The following DOCK1 variants were observed in gnomAD, a reference collection of about 807,000 sequenced individuals.
DOCK1 encodes dedicator of cytokinesis protein 1.
DOCK1 carries 138 observed loss-of-function variants against 262.7 expected under a neutral mutation model. The observed-to-expected ratio is 0.53, with a 90% CI of 0.46 to 0.61. The LOEUF (loss-of-function observed/expected upper bound fraction) is 0.61. Ranked by LOEUF, DOCK1 falls within the 20% of genes least tolerant of loss-of-function variation. The pLI is 0.00. For synonymous variants in DOCK1, 866 were observed against 867.4 expected (o/e 1.00, Z 0.03); for missense variants, 1,908 against 2,370.7 (o/e 0.80, Z 4.05).
chr10:127,321,225 C>T (rs1464446408), intron 29 of DOCK1, among the ~76,000 whole-genome samples: 2 of 98,178 alleles, frequency 2.0e-5, no homozygotes, highest in East Asian at 3.4e-4. Flanking sequence ...CCTCTCCTCC[C>T]CTCCCCTCCC....
intron 1 of DOCK1, among the ~76,000 whole-genome samples, chr10:126,932,631 A>G (rs2034269067): frequency 6.6e-6 from 1 of 152,120 alleles, no homozygotes; most frequent in Non-Finnish European, 1.5e-5. Flanking sequence ...CCAGCAGTGC[A>G]GGTTCCAGAG....
chr10:126,940,097 A>G (rs2034876005), intron 1 of DOCK1, among the ~76,000 whole-genome samples: 1 of 152,156 alleles, frequency 6.6e-6, no homozygotes, highest in Non-Finnish European at 1.5e-5. Flanking sequence ...GTTTTTCACA[A>G]ATGATGTTTT....
chr10:126,997,946 G>A (rs1057012493), intron 7 of DOCK1, 146 bp from the exon 8 acceptor site: 66 of 990,230 alleles, frequency 6.7e-5, no homozygotes, highest in Non-Finnish European at 7.9e-5. Flanking sequence ...AGAATGTGCA[G>A]GGGAGATAAG....
At chr10:127,066,560 T>G (rs982964195) in intron 23 of DOCK1, among the ~76,000 whole-genome samples, 1 of 152,172 alleles carries the variant, frequency 6.6e-6, no homozygotes, top group African/African-American at 2.4e-5. Flanking sequence ...CACCTGGCTC[T>G]CCAAGCCTTT....
At chr10:126,932,483 A>G (rs1243960344) in intron 1 of DOCK1, among the ~76,000 whole-genome samples, 2 of 152,230 alleles carry the variant, frequency 1.3e-5, no homozygotes, top group Non-Finnish European at 2.9e-5. Flanking sequence ...GCACCATTCC[A>G]GGCTGAACTG....
In DOCK1 at chr10:127,221,975, A is replaced by C. The variant is rs181770104; in HGVS notation, c.2848-26033A>C. On this transcript the variant is annotated intron_variant, in intron 27 of 51. Transcript: ENST00000623213. ...AGCAGTAGAGACATTAGCCTCACTC[A>C]AAGGAGAGTAAAATTATGTTCAATG... 3.5e-4 allele frequency among the ~76,000 whole-genome samples: 54 copies of C among 152,346 alleles called. 1 individual carries two copies. Among genetic ancestry groups the C allele is most frequent in the Admixed American group, 1.1e-3 (17 of 15,302 alleles).
chr10:126,916,672 CCCTCCTTCCTTT>C (rs762746599), intron 1 of DOCK1, among the ~76,000 whole-genome samples: 16 of 151,884 alleles, frequency 1.1e-4, no homozygotes, highest in African/African-American at 2.7e-4. Context: ...TTTCTTCCTC[CCCTCCTTCCTTT>C]CCTCCTTCCT....
intron 29 of DOCK1, among the ~76,000 whole-genome samples, chr10:127,318,365 C>G (rs530759885): frequency 6.6e-6 from 1 of 152,280 alleles, no homozygotes; most frequent in African/African-American, 2.4e-5. Context: ...GATCCCAGCA[C>G]ACTGAAGGAG....
chr10:127,365,265 TC>T (rs1212881497), intron 33 of DOCK1, among the ~76,000 whole-genome samples: 1 of 152,256 alleles, frequency 6.6e-6, no homozygotes, highest in Non-Finnish European at 1.5e-5. Flanking sequence ...TTGAAAATTT[TC>T]CCAGTATACA....
intron 46 of DOCK1, among the ~76,000 whole-genome samples, chr10:127,425,463 A>G (rs2068756125): frequency 6.6e-6 from 1 of 152,234 alleles, no homozygotes; most frequent in Non-Finnish European, 1.5e-5. Context: ...TATAGATCAC[A>G]TGTAATTACC....
chr10:127,261,297 G>A (rs571696850), intron 29 of DOCK1, among the ~76,000 whole-genome samples: 2 of 88,166 alleles, frequency 2.3e-5, no homozygotes, highest in South Asian at 6.6e-4. Context: ...GTGCATGTGG[G>A]TGTGTGTGTG....
At chr10:126,999,262 G>C (rs528941703) in intron 8 of DOCK1, 92 bp from the exon 9 acceptor site, 2 of 942,298 alleles carry the variant, frequency 2.1e-6, no homozygotes, top group African/African-American at 1.6e-5. Flanking sequence ...TATAGTGCAC[G>C]TACATGGTAT....
At chr10:127,324,625 A>G (rs2766052) in intron 29 of DOCK1, among the ~76,000 whole-genome samples, 12 of 151,646 alleles carry the variant, frequency 7.9e-5, no homozygotes, top group Middle Eastern at 3.4e-3. Flanking sequence ...TTTTTTTTTT[A>G]AAAGATACTG....
intron 27 of DOCK1, among the ~76,000 whole-genome samples, chr10:127,189,051 A>G (rs2056529772): frequency 6.6e-6 from 1 of 152,196 alleles, no homozygotes; most frequent in African/African-American, 2.4e-5. Context: ...AGCCCTGGTG[A>G]TGAAGTGGAT....
At chr10:127,015,454 G>T (rs1157601595) in intron 12 of DOCK1, among the ~76,000 whole-genome samples, 1 of 152,080 alleles carries the variant, frequency 6.6e-6, no homozygotes, top group African/African-American at 2.4e-5. Context: ...CTGTCCCCTT[G>T]TGAGCTCTCA....
At chr10:127,143,648 C>T (rs2051495013) in intron 27 of DOCK1, among the ~76,000 whole-genome samples, 1 of 152,136 alleles carries the variant, frequency 6.6e-6, no homozygotes, top group Non-Finnish European at 1.5e-5. Flanking sequence ...GCCAACTTGG[C>T]CGGTTTTATG....
chr10:127,443,584 G>A (rs767866009), intron 49 of DOCK1, among the ~76,000 whole-genome samples: 23 of 152,078 alleles, frequency 1.5e-4, no homozygotes, highest in Non-Finnish European at 2.4e-4. Context: ...ATGTGCACAC[G>A]TGGGGCTCAG....
At chr10:127,131,282 G>A (rs2050309592) in intron 27 of DOCK1, among the ~76,000 whole-genome samples, 1 of 152,106 alleles carries the variant, frequency 6.6e-6, no homozygotes, top group Admixed American at 6.5e-5. Flanking sequence ...CCACAGCCCT[G>A]ATCTTCCCAA....
At chr10:127,110,192 A>T (rs2048780199) in intron 24 of DOCK1, 56 bp from the exon 25 acceptor site, 11 of 1,435,042 alleles carry the variant, frequency 7.7e-6, no homozygotes, top group Non-Finnish European at 9.7e-6. Context: ...TTGTAACAAC[A>T]TTGGATCCTT....
Sources: allele counts gnomAD v4.1 joint callset (sites outside exome capture counted in the v4.1 genomes callset), GRCh38; gene constraint gnomAD v4.1.1; transcripts MANE v1.5; gene names NCBI Gene and HGNC (gene_info 2026-07-23, HGNC 2026-07-21).